The following PALS2 variants were observed in gnomAD, a reference collection of about 807,000 sequenced individuals.
PALS2 encodes protein PALS2.
In PALS2, 27 loss-of-function variants were observed where a neutral mutation model predicts 61.6. That is an observed-to-expected ratio of 0.44 (90% CI 0.32 to 0.60). The LOEUF (loss-of-function observed/expected upper bound fraction) is 0.60. Among genes scored for constraint, PALS2 ranks in the 20% least tolerant of loss-of-function variants. The pLI, the probability that PALS2 is intolerant of heterozygous loss-of-function variation, is 0.05. For synonymous variants in PALS2, 236 were observed against 218.6 expected (o/e 1.08, Z -0.70); for missense variants, 554 against 639.4 (o/e 0.87, Z 1.44).
rs572623020 is a variant in PALS2, at chr7:24,665,013, G to A, written c.784-575G>A. On this transcript the variant is annotated intron_variant, in intron 6 of 11. Transcript: ENST00000222644. Reference sequence around the variant, plus strand: ...AACTTTGTGAGATAAACCACTAACAGCCAGTTCTCCAGCCACTATTTTAAA... The same window carrying A: ...AACTTTGTGAGATAAACCACTAACAACCAGTTCTCCAGCCACTATTTTAAA... Among the ~76,000 whole-genome samples, 45 of 152,118 alleles carry A rather than the reference G, an allele frequency of 3.0e-4. No individual in the cohort carries two copies. The South Asian group carries it at 7.3e-3, about 25-fold the overall frequency.
chr7:24,677,433 C>T (rs1456186402), intron 9 of PALS2, among the ~76,000 whole-genome samples: 4 of 151,866 alleles, frequency 2.6e-5, no homozygotes, highest in African/African-American at 9.7e-5. Context: ...TGAGAGAGGG[C>T]ATCCCTGTCT....
chr7:24,589,944 T>C (rs567281837), intron 1 of PALS2, among the ~76,000 whole-genome samples: 1 of 152,144 alleles, frequency 6.6e-6, no homozygotes, highest in Non-Finnish European at 1.5e-5. Flanking sequence ...CACTACTCAG[T>C]GTTTAGTGTC....
intron 11 of PALS2, among the ~76,000 whole-genome samples, chr7:24,684,730 A>C (rs1357749689): frequency 6.6e-6 from 1 of 152,170 alleles, no homozygotes; most frequent in African/African-American, 2.4e-5. Context: ...GAAATTTTAC[A>C]TTATTCTTCT....
At chr7:24,624,498 A>AT (rs1277232490) in intron 2 of PALS2, among the ~76,000 whole-genome samples, 1 of 148,946 alleles carries the variant, frequency 6.7e-6, no homozygotes, top group African/African-American at 2.5e-5. Flanking sequence ...CTCTTCTGTG[A>AT]TTTTTTTCTT....
intron 2 of PALS2, among the ~76,000 whole-genome samples, chr7:24,634,020 AT>A (rs1313080283): frequency 1.3e-5 from 2 of 152,078 alleles, no homozygotes; most frequent in Non-Finnish European, 1.5e-5. Flanking sequence ...ATTTGTACAT[AT>A]TTTTTGGAGA....
intron 5 of PALS2, among the ~76,000 whole-genome samples, chr7:24,659,012 C>A (rs562801606): frequency 3.9e-5 from 6 of 152,282 alleles, no homozygotes; most frequent in Non-Finnish European, 7.4e-5. Flanking sequence ...TTATCCTCTG[C>A]CTTCAAGTAA....
At chr7:24,586,381 A>G (rs1044990676) in intron 1 of PALS2, among the ~76,000 whole-genome samples, 3 of 152,142 alleles carry the variant, frequency 2.0e-5, no homozygotes, top group African/African-American at 7.2e-5. Context: ...GAGTTCAGGG[A>G]CTCATTTTAG....
intron 2 of PALS2, among the ~76,000 whole-genome samples, chr7:24,635,094 AT>A (rs1358079417): frequency 4.6e-5 from 7 of 152,150 alleles, no homozygotes; most frequent in African/African-American, 1.7e-4. Context: ...CAGTTTGTCA[AT>A]TTCTATAAAC....
chr7:24,665,999 T>C lies in PALS2; in HGVS notation c.884-22T>C, dbSNP rs200276863. On this transcript the variant is annotated intron_variant, in intron 7 of 11. Coordinates refer to ENST00000222644, the MANE Select transcript of PALS2 (RefSeq NM_001303037.2). ...ATATTCTGATATACTGCTTAAGTTA[T>C]ATTTGTTTTATCATCCTTCAGGACC... The C allele has an allele frequency of 5.1e-5, 81 of 1,583,416 alleles. 1 individual carries two copies. Among genetic ancestry groups the C allele is most frequent in the South Asian group, 2.2e-5 (2 of 89,706 alleles).
intron 2 of PALS2, among the ~76,000 whole-genome samples, chr7:24,636,043 C>G (rs192747031): frequency 6.6e-5 from 10 of 151,988 alleles, no homozygotes; most frequent in Admixed American, 2.6e-4. Flanking sequence ...GAAACCCTGT[C>G]TCTACTAAAA....
intron 9 of PALS2, among the ~76,000 whole-genome samples, chr7:24,675,548 C>T (rs1256612157): frequency 8.6e-6 from 1 of 116,922 alleles, no homozygotes; most frequent in African/African-American, 3.2e-5. Context: ...CCCCTCCCCC[C>T]ACCCCACAAC....
At chr7:24,669,624 ACCCTAT>A (rs1169815781) in intron 9 of PALS2, among the ~76,000 whole-genome samples, 1 of 151,972 alleles carries the variant, frequency 6.6e-6, no homozygotes, top group African/African-American at 2.4e-5. Flanking sequence ...GCTAACTTTA[ACCCTAT>A]CTCTTTTAAT....
chr7:24,663,758 C>G (rs1199059183), intron 6 of PALS2, 37 bp downstream of exon 6: 1 of 1,575,312 alleles, frequency 6.3e-7, no homozygotes. Context: ...AGCTACTTTT[C>G]TAATTTTAAT....
At position 24,662,877 on chromosome 7, in the gene PALS2, G is replaced by C. The variant is rs539355591; in HGVS notation, c.652-713G>C. On this transcript the variant is annotated intron_variant, in intron 5 of 11. Transcript: ENST00000222644. ...TAATTTAATTAGAATTTAAATTAAA[G>C]CAAATAAGCAAAATAGCCCAAATTT... 6.0e-5 allele frequency among the ~76,000 whole-genome samples: 9 copies of C among 149,466 alleles called. No homozygotes were observed. In the South Asian group the frequency reaches 1.5e-3, roughly 25 times the overall value.
At chr7:24,580,347 C>G (rs866392993) in intron 1 of PALS2, among the ~76,000 whole-genome samples, 1 of 152,084 alleles carries the variant, frequency 6.6e-6, no homozygotes, top group Non-Finnish European at 1.5e-5. Flanking sequence ...TTAAAATCCC[C>G]AGGAGCCACC....
intron 9 of PALS2, among the ~76,000 whole-genome samples, chr7:24,675,411 T>G (rs1195445671): frequency 1.3e-5 from 2 of 151,658 alleles, no homozygotes; most frequent in Non-Finnish European, 2.9e-5. Flanking sequence ...TTATTATACT[T>G]TTAAGTTTTA....
chr7:24,616,989 A>C (rs1784315768), intron 1 of PALS2, among the ~76,000 whole-genome samples: 1 of 152,210 alleles, frequency 6.6e-6, no homozygotes, highest in Non-Finnish European at 1.5e-5. Flanking sequence ...CAACTAGCTC[A>C]TTAAATATTT....
At chr7:24,683,566 G>A (rs780383967) in intron 11 of PALS2, among the ~76,000 whole-genome samples, 15 of 149,504 alleles carry the variant, frequency 1.0e-4, no homozygotes, top group East Asian at 7.8e-4. Context: ...TAGCTTCCTT[G>A]CTATCTGGTA....
intron 1 of PALS2, among the ~76,000 whole-genome samples, chr7:24,589,712 A>G (rs1023047464): frequency 2.6e-5 from 4 of 152,170 alleles, no homozygotes; most frequent in African/African-American, 4.8e-5. Flanking sequence ...TTTTTAATTA[A>G]GCTTTTAAAA....
Sources: gnomAD v4.1 joint callset for allele counts (sites outside exome capture counted in the v4.1 genomes callset) on GRCh38, gnomAD v4.1.1 for gene constraint, MANE v1.5 for transcripts, NCBI Gene and HGNC (gene_info 2026-07-23, HGNC 2026-07-21) for gene names.